The following SH3RF3 variants were observed in gnomAD, a reference collection of about 807,000 sequenced individuals.
The protein encoded by SH3RF3 is E3 ubiquitin-protein ligase SH3RF3.
A neutral mutation model predicts 66.3 loss-of-function variants in SH3RF3; 29 were observed. The observed-to-expected ratio is 0.44, with a 90% CI of 0.33 to 0.60. The LOEUF (loss-of-function observed/expected upper bound fraction) is 0.60. Ranked by LOEUF, SH3RF3 falls within the 20% of genes least tolerant of loss-of-function variation. The pLI is 0.04. For synonymous variants in SH3RF3, 583 were observed against 532.0 expected, an observed-to-expected ratio of 1.10 and a Z score of -1.32; for missense variants, 1,194 against 1,190.9, an observed-to-expected ratio of 1.00 and a Z score of -0.04.
chr2:109,149,964 C>T lies in SH3RF3; in HGVS notation c.573+19851C>T, dbSNP rs569882766. ...AACTAGTGGTTCTTGACTTGGGGTG[C>T]ATGTTGAAGTCCCCTGGGGAACCTC... On this transcript the variant is annotated intron_variant, in intron 1 of 9. Coordinates refer to ENST00000309415, the MANE Select transcript of SH3RF3 (RefSeq NM_001099289.3). Among the ~76,000 whole-genome samples the T allele has an allele frequency of 6.4e-4, 98 of 152,250 alleles. 1 individual carries two copies. In the South Asian group the frequency reaches 0.019, roughly 29 times the overall value.
intron 8 of SH3RF3, among the ~76,000 whole-genome samples, chr2:109,483,578 C>T (rs374113518): frequency 6.6e-6 from 1 of 152,220 alleles, no homozygotes; most frequent in Non-Finnish European, 1.5e-5. Context: ...CTTTGACTTC[C>T]TATCTGCTGT....
At chr2:109,229,100 T>C (rs570536442) in intron 1 of SH3RF3, among the ~76,000 whole-genome samples, 18 of 152,068 alleles carry the variant, frequency 1.2e-4, no homozygotes, top group African/African-American at 4.1e-4. Flanking sequence ...AGACCAAATA[T>C]CAGAACAAAA....
At chr2:109,293,085 G>T (rs190982889) in intron 1 of SH3RF3, among the ~76,000 whole-genome samples, 1 of 152,182 alleles carries the variant, frequency 6.6e-6, no homozygotes, top group Non-Finnish European at 1.5e-5. Context: ...CCCTGCACAA[G>T]CAGGAAGGAC....
chr2:109,359,132 A>G (rs910900481), intron 2 of SH3RF3, among the ~76,000 whole-genome samples: 5 of 152,088 alleles, frequency 3.3e-5, no homozygotes, highest in African/African-American at 1.2e-4. Flanking sequence ...CATTCCATTG[A>G]TCTAGTTGTC....
At chr2:109,305,114 T>C (rs1257431279) in intron 1 of SH3RF3, among the ~76,000 whole-genome samples, 1 of 152,230 alleles carries the variant, frequency 6.6e-6, no homozygotes, top group Admixed American at 6.5e-5. Flanking sequence ...GACTTCTGAT[T>C]ATTCTGATAA....
At chr2:109,420,971 T>C (rs767339592) in intron 5 of SH3RF3, among the ~76,000 whole-genome samples, 2 of 152,240 alleles carry the variant, frequency 1.3e-5, no homozygotes, top group African/African-American at 2.4e-5. Context: ...CCTAGCTTCC[T>C]GAGCAGGCTA....
Position 109,130,107 on chromosome 2 carries a change from G to T in SH3RF3, c.567G>T (p.Ala189=). 8 of 1,328,340 alleles carry T rather than the reference G, an allele frequency of 6.0e-6. No individual in the cohort carries two copies. Among genetic ancestry groups the T allele is most frequent in the Non-Finnish European group, 7.7e-6 (8 of 1,043,478 alleles). 82.3% of individuals were successfully genotyped at this position (1,328,340 alleles called of 1,614,324 possible). Residue 189 remains alanine (A), a synonymous_variant, in exon 1 of 10, where the codon GCG becomes GCT. Transcript: ENST00000309415. ...RELATSRTAP[A]AKNPCLLPYG... is the part of the protein sequence containing the mutation. ...TGGCGACCAGCAGGACCGCGCCGGC[G>T]GCAAAGGTGAGTATCTGTCTCGGCG...
chr2:109,424,295 G>A (rs1045239223), intron 5 of SH3RF3, among the ~76,000 whole-genome samples: 10 of 152,226 alleles, frequency 6.6e-5, no homozygotes, highest in African/African-American at 2.4e-4. Context: ...GCTGCACCCT[G>A]AGGGAGATTC....
At chr2:109,305,794 G>A (rs1469464348) in intron 1 of SH3RF3, among the ~76,000 whole-genome samples, 4 of 152,228 alleles carry the variant, frequency 2.6e-5, no homozygotes. Flanking sequence ...CTTGCTGGAG[G>A]TGGTCTCAGA....
chr2:109,234,635 C>G (rs1257336824), intron 1 of SH3RF3, among the ~76,000 whole-genome samples: 1 of 152,248 alleles, frequency 6.6e-6, no homozygotes, highest in Admixed American at 6.5e-5. Context: ...GTTAGATTAT[C>G]TCAGCAGGCA....
chr2:109,260,252 A>G (rs1303923145), intron 1 of SH3RF3, among the ~76,000 whole-genome samples: 1 of 152,138 alleles, frequency 6.6e-6, no homozygotes, highest in African/African-American at 2.4e-5. Context: ...GTGGAAAACC[A>G]TGCAAACTGA....
chr2:109,208,214 A>C (rs532794684), intron 1 of SH3RF3, among the ~76,000 whole-genome samples: 1 of 152,308 alleles, frequency 6.6e-6, no homozygotes, highest in South Asian at 2.1e-4. Context: ...AGCAAAGCTG[A>C]GGTTTTAGTT....
intron 1 of SH3RF3, among the ~76,000 whole-genome samples, chr2:109,233,649 T>C (rs1265368259): frequency 6.6e-6 from 1 of 152,248 alleles, no homozygotes; most frequent in African/African-American, 2.4e-5. Context: ...AGTATTTCCC[T>C]GCCTCCTGTT....
intron 2 of SH3RF3, among the ~76,000 whole-genome samples, chr2:109,365,409 G>C (rs1037500975): frequency 3.3e-5 from 5 of 152,220 alleles, no homozygotes; most frequent in Middle Eastern, 3.4e-3. Flanking sequence ...GGGGATTTCT[G>C]GTATTTCCCT....
At chr2:109,457,071 T>G (rs1678080002) in intron 8 of SH3RF3, among the ~76,000 whole-genome samples, 1 of 152,244 alleles carries the variant, frequency 6.6e-6, no homozygotes, top group South Asian at 2.1e-4. Context: ...TCGAGCAAGC[T>G]TCTCCACCTT....
chr2:109,288,196 A>G (rs1489633494), intron 1 of SH3RF3, among the ~76,000 whole-genome samples: 1 of 152,252 alleles, frequency 6.6e-6, no homozygotes, highest in African/African-American at 2.4e-5. Context: ...GCAGCCATTC[A>G]GAATAGGTGC....
intron 8 of SH3RF3, among the ~76,000 whole-genome samples, chr2:109,489,877 A>T (rs1415317289): frequency 6.6e-6 from 1 of 152,174 alleles, no homozygotes; most frequent in Non-Finnish European, 1.5e-5. Flanking sequence ...ATCTGGGATT[A>T]CAGGCAAGTG....
intron 1 of SH3RF3, among the ~76,000 whole-genome samples, chr2:109,174,021 T>C (rs1018182288): frequency 6.6e-6 from 1 of 152,176 alleles, no homozygotes; most frequent in African/African-American, 2.4e-5. Context: ...CAGTCCTTGA[T>C]TCAGAGAACA....
At chr2:109,244,563 G>A (rs1679866858) in intron 1 of SH3RF3, among the ~76,000 whole-genome samples, 1 of 152,166 alleles carries the variant, frequency 6.6e-6, no homozygotes, top group South Asian at 2.1e-4. Flanking sequence ...GATGAGAGCT[G>A]TTCCACCTAA....
Sources: gnomAD v4.1 joint callset for allele counts (sites outside exome capture counted in the v4.1 genomes callset) on GRCh38, gnomAD v4.1.1 for gene constraint, MANE v1.5 for transcripts, NCBI Gene and HGNC (gene_info 2026-07-23, HGNC 2026-07-21) for gene names.